The following PDE4D variants were observed in gnomAD, a reference collection of about 807,000 sequenced individuals.
PDE4D encodes 3',5'-cyclic-AMP phosphodiesterase 4D.
A neutral mutation model predicts 87.4 loss-of-function variants in PDE4D; 24 were observed. The ratio of observed to expected loss-of-function variants is 0.27; its 90% CI spans 0.20 to 0.39. The LOEUF is 0.39. Ranked by LOEUF, PDE4D falls within the 10% of genes least tolerant of loss-of-function variation. The pLI is 1.00. For synonymous variants in PDE4D, 384 were observed against 383.2 expected, an observed-to-expected ratio of 1.00 and a Z score of -0.02; for missense variants, 714 against 1,041.0, an observed-to-expected ratio of 0.69 and a Z score of 4.32.
intron 1 of PDE4D, among the ~76,000 whole-genome samples, chr5:59,371,450 A>T (rs190399293): frequency 2.6e-5 from 4 of 152,332 alleles, no homozygotes; most frequent in Admixed American, 2.6e-4. Context: ...AGTATTCAAG[A>T]CACTGGCATA....
chr5:60,296,568 G>T (rs1490084803), intron 1 of PDE4D, among the ~76,000 whole-genome samples: 4 of 152,112 alleles, frequency 2.6e-5, no homozygotes, highest in Non-Finnish European at 5.9e-5. Context: ...GACAAAGTTG[G>T]CGTATTTAAA....
At chr5:59,784,266 G>A (rs1416764675) in intron 1 of PDE4D, among the ~76,000 whole-genome samples, 1 of 151,322 alleles carries the variant, frequency 6.6e-6, no homozygotes, top group Non-Finnish European at 1.5e-5. Flanking sequence ...AAAAAAAAGG[G>A]GATTGTGCTT....
At chr5:60,103,165 G>A (rs1776421407) in intron 2 of PDE4D, among the ~76,000 whole-genome samples, 1 of 152,144 alleles carries the variant, frequency 6.6e-6, no homozygotes, top group Admixed American at 6.6e-5. Flanking sequence ...AAGAATAAAT[G>A]CAGTCAGTGT....
At chr5:59,109,039 T>A (rs991296700) in intron 5 of PDE4D, among the ~76,000 whole-genome samples, 4 of 150,422 alleles carry the variant, frequency 2.7e-5, no homozygotes, top group African/African-American at 9.8e-5. Context: ...AACAGATTTA[T>A]AAAAGTTATT....
chr5:59,520,173 G>T (rs987472176), intron 1 of PDE4D, among the ~76,000 whole-genome samples: 14 of 152,190 alleles, frequency 9.2e-5, no homozygotes, highest in Non-Finnish European at 1.5e-5. Context: ...TAAGGCAGGA[G>T]AATTGCTTGA....
chr5:60,366,098 A>C (rs1760520221), intron 1 of PDE4D, among the ~76,000 whole-genome samples: 1 of 150,884 alleles, frequency 6.6e-6, no homozygotes, highest in Non-Finnish European at 1.5e-5. Flanking sequence ...CCCAAATCCC[A>C]CTATTTCTGC....
Position 59,397,813 on chromosome 5 carries a change from A to C in PDE4D, c.456-181845T>G, listed in dbSNP as rs886117845. ...AGGAGCTGGTTTTTTGAAAGGATCA[A>C]CAAAATTGATAGACCGCTAGCAAGA... On this transcript the variant is annotated intron_variant, in intron 1 of 14. Transcript: ENST00000340635. Among the ~76,000 whole-genome samples, 12 of 117,636 alleles carry C rather than the reference A, an allele frequency of 1.0e-4. 1 individual carries two copies. The highest frequency in any genetic ancestry group is 1.4e-4 in the Non-Finnish European group (8 of 55,688). The allele number at this position is 117,636 out of a possible 152,430, so 77.2% of individuals were successfully genotyped here. A position where few individuals can be genotyped will look rare whatever the true frequency, so the allele number is the denominator to read the frequency against.
intron 1 of PDE4D, among the ~76,000 whole-genome samples, chr5:59,789,554 T>C (rs1355671018): frequency 2.0e-5 from 3 of 152,258 alleles, no homozygotes; most frequent in African/African-American, 7.2e-5. Flanking sequence ...CTTGGCTATA[T>C]TGAAGTCATA....
intron 3 of PDE4D, among the ~76,000 whole-genome samples, chr5:59,960,224 A>G (rs1321160209): frequency 6.6e-6 from 1 of 152,208 alleles, no homozygotes; most frequent in Non-Finnish European, 1.5e-5. Flanking sequence ...CGGTAGAGAA[A>G]AGGGAATGGT....
intron 1 of PDE4D, among the ~76,000 whole-genome samples, chr5:59,866,812 C>T (rs997586433): frequency 2.0e-5 from 3 of 152,098 alleles, no homozygotes; most frequent in South Asian, 2.1e-4. Flanking sequence ...GAAGTTGTCA[C>T]GATCTGCCTA....
chr5:60,339,713 T>C (rs1758137316), intron 1 of PDE4D, among the ~76,000 whole-genome samples: 1 of 152,178 alleles, frequency 6.6e-6, no homozygotes, highest in Admixed American at 6.5e-5. Flanking sequence ...GGCTGAGTAA[T>C]ATTCTCTGTG....
chr5:59,072,274 C>T (rs1764972728), intron 5 of PDE4D, among the ~76,000 whole-genome samples: 1 of 152,140 alleles, frequency 6.6e-6, no homozygotes, highest in Non-Finnish European at 1.5e-5. Context: ...GTCCAGAAGG[C>T]TTAAGCATAG....
chr5:60,003,553 T>A (rs1014828039), intron 2 of PDE4D, among the ~76,000 whole-genome samples: 1 of 151,572 alleles, frequency 6.6e-6, no homozygotes, highest in African/African-American at 2.4e-5. Context: ...CTACTAAAAA[T>A]ACAAAAATTA....
At chr5:59,871,441 C>A (rs1747806618) in intron 1 of PDE4D, among the ~76,000 whole-genome samples, 1 of 152,194 alleles carries the variant, frequency 6.6e-6, no homozygotes, top group South Asian at 2.1e-4. Context: ...AAGTCAAGTG[C>A]AGTCTCCTGA....
chr5:59,386,009 G>A (rs960875996), intron 1 of PDE4D, among the ~76,000 whole-genome samples: 8 of 152,032 alleles, frequency 5.3e-5, no homozygotes, highest in Non-Finnish European at 1.2e-4. Context: ...ATAAATCTTG[G>A]GTATTTCTGT....
chr5:60,494,891 C>A (rs542812088), intron 1 of PDE4D, among the ~76,000 whole-genome samples: 227 of 152,274 alleles, frequency 1.5e-3, no homozygotes, highest in African/African-American at 5.2e-3. Context: ...AGCTACCTTC[C>A]CCTCTCAGAA....
intron 1 of PDE4D, among the ~76,000 whole-genome samples, chr5:59,638,242 A>G (rs1406222391): frequency 6.6e-6 from 1 of 151,566 alleles, no homozygotes. Context: ...CAAAAAACAA[A>G]GAAACTCCTA....
intron 1 of PDE4D, among the ~76,000 whole-genome samples, chr5:59,806,424 A>G (rs935896258): frequency 8.5e-5 from 13 of 152,230 alleles, no homozygotes; most frequent in Non-Finnish European, 1.3e-4. Flanking sequence ...TATCAAAAGG[A>G]GCAGCCTGCC....
At chr5:60,014,008 G>C (rs1377772235) in intron 2 of PDE4D, among the ~76,000 whole-genome samples, 2 of 150,380 alleles carry the variant, frequency 1.3e-5, no homozygotes, top group African/African-American at 4.9e-5. Flanking sequence ...CAGGAGAATT[G>C]CTTGAACCCA....
Sources: gnomAD v4.1 joint callset for allele counts (sites outside exome capture counted in the v4.1 genomes callset) on GRCh38, gnomAD v4.1.1 for gene constraint, MANE v1.5 for transcripts, NCBI Gene and HGNC (gene_info 2026-07-23, HGNC 2026-07-21) for gene names.